Variants in OR10J1 observed in about 807,000 individuals in gnomAD.
OR10J1 encodes olfactory receptor family 10 subfamily J member 1.
For missense variants in OR10J1, 474 were observed against 376.6 expected, an observed-to-expected ratio of 1.26 and a Z score of -2.14; for synonymous variants, 202 against 143.8, an observed-to-expected ratio of 1.40 and a Z score of -2.89.
the OR10J1 span, among the ~76,000 whole-genome samples, chr1:159,407,312 GGT>G: frequency 3.0e-4 from 45 of 152,100 alleles, no homozygotes; most frequent in Non-Finnish European, 2.9e-5. Context: ...GGTTCCACCA[GGT>G]CATAACTATG....
upstream of OR10J1, among the ~76,000 whole-genome samples, chr1:159,434,473 A>G (rs1237102332): frequency 6.6e-6 from 1 of 152,128 alleles, no homozygotes; most frequent in African/African-American, 2.4e-5. Context: ...TTCACTCAGC[A>G]CAACCCCAAA....
the OR10J1 span, among the ~76,000 whole-genome samples, chr1:159,424,382 A>C: frequency 6.6e-6 from 1 of 150,412 alleles, no homozygotes; most frequent in Non-Finnish European, 1.5e-5. Context: ...GTATATGTGC[A>C]TATATGTGTA....
At chr1:159,399,713 C>T in the OR10J1 span, among the ~76,000 whole-genome samples, 26 of 150,158 alleles carry the variant, frequency 1.7e-4, no homozygotes, top group Non-Finnish European at 2.4e-4. Context: ...AAACACAGAA[C>T]ATTGTAACAC....
At chr1:159,429,334 A>G in the OR10J1 span, among the ~76,000 whole-genome samples, 24 of 152,228 alleles carry the variant, frequency 1.6e-4, no homozygotes, top group Non-Finnish European at 2.6e-4. Flanking sequence ...CATGGTTCCC[A>G]CAACATTCAA....
At chr1:159,419,556 A>G in the OR10J1 span, among the ~76,000 whole-genome samples, 1 of 152,208 alleles carries the variant, frequency 6.6e-6, no homozygotes, top group East Asian at 1.9e-4. Flanking sequence ...TAAATTACCC[A>G]GTCTCAGGTA....
At chr1:159,432,902 G>A (rs947613928), upstream of OR10J1, 3 of 424,822 alleles carry the variant, frequency 7.1e-6, no homozygotes, top group African/African-American at 4.0e-5. Context: ...ATCAGCTGAG[G>A]GCAGGAGAAA....
At chr1:159,409,395 T>C in the OR10J1 span, among the ~76,000 whole-genome samples, 1 of 152,094 alleles carries the variant, frequency 6.6e-6, no homozygotes, top group Non-Finnish European at 1.5e-5. Flanking sequence ...GAATAGCCTA[T>C]TGTGGCATCA....
chr1:159,432,805 G>T, the OR10J1 span: 3 of 403,404 alleles, frequency 7.4e-6, no homozygotes, highest in Non-Finnish European at 8.8e-6. Flanking sequence ...TTATTACTTT[G>T]CTCATCAGTC....
At chr1:159,409,260 A>G in the OR10J1 span, among the ~76,000 whole-genome samples, 1 of 152,034 alleles carries the variant, frequency 6.6e-6, no homozygotes, top group Admixed American at 6.6e-5. Context: ...AGTAGTGTGA[A>G]TGAGAAATTT....
At position 159,440,533 on chromosome 1, in the gene OR10J1, A is replaced by G. The variant is rs767455580; in HGVS notation, c.742A>G (p.Ile248Val). The G allele has an allele frequency of 3.1e-6, 5 of 1,614,010 alleles. No homozygotes were observed. The highest frequency in any genetic ancestry group is 1.6e-4 in the Middle Eastern group (1 of 6,062). The stretch of plus-strand genomic sequence containing the variant: ...CTGTGCATCCCACCTCACTGTGGTC[A>G]TTGTCCACTACAGCTGTGCCTCCAT... ...ATCASHLTVVIVHYSCASIAY... is the reference protein window; with the variant it reads ...ATCASHLTVVVVHYSCASIAY... Residue 248 changes from isoleucine (I) to valine (V), a missense_variant, in exon 1 of 1, where the codon ATT becomes GTT. Ile to Val is a conservative substitution (Grantham distance 29). Coordinates refer to ENST00000423932, the MANE Select transcript of OR10J1 (RefSeq NM_012351.3).
At chr1:159,410,335 T>C in the OR10J1 span, among the ~76,000 whole-genome samples, 8 of 152,130 alleles carry the variant, frequency 5.3e-5, no homozygotes, top group Admixed American at 3.3e-4. Context: ...TCCTGGACTC[T>C]TTTTGGTTGG....
the OR10J1 span, among the ~76,000 whole-genome samples, chr1:159,411,866 G>A: frequency 6.6e-6 from 1 of 151,978 alleles, no homozygotes; most frequent in South Asian, 2.1e-4. Context: ...GAAATAAAGG[G>A]TATTCAATTA....
chr1:159,419,129 C>G, the OR10J1 span, among the ~76,000 whole-genome samples: 1 of 152,140 alleles, frequency 6.6e-6, no homozygotes, highest in Non-Finnish European at 1.5e-5. Flanking sequence ...AGATTTTAAG[C>G]TGTGGACTTT....
chr1:159,423,344 A>T, the OR10J1 span, among the ~76,000 whole-genome samples: 1 of 152,124 alleles, frequency 6.6e-6, no homozygotes, highest in African/African-American at 2.4e-5. Context: ...GGCCTCTTAC[A>T]TTTCTGTACA....
the OR10J1 span, among the ~76,000 whole-genome samples, chr1:159,420,997 C>T: frequency 1.8e-4 from 28 of 152,124 alleles, no homozygotes; most frequent in Admixed American, 1.2e-3. Context: ...GGTTTCTAAA[C>T]CTTTTGTTTT....
the OR10J1 span, among the ~76,000 whole-genome samples, chr1:159,430,821 A>G: frequency 6.6e-6 from 1 of 152,172 alleles, no homozygotes; most frequent in East Asian, 1.9e-4. Flanking sequence ...GGCAATTTAC[A>G]TACAGTAATT....
chr1:159,431,032 T>C, the OR10J1 span, among the ~76,000 whole-genome samples: 1 of 152,058 alleles, frequency 6.6e-6, no homozygotes. Context: ...TTTAAATCTA[T>C]AAAAAACCTT....
chr1:159,424,086 G>T, the OR10J1 span, among the ~76,000 whole-genome samples: 2 of 151,872 alleles, frequency 1.3e-5, no homozygotes, highest in African/African-American at 4.8e-5. Context: ...TGAGGTGGCA[G>T]GTGCCCGTAA....
chr1:159,433,643 T>C (rs1655652532), upstream of OR10J1, among the ~76,000 whole-genome samples: 1 of 152,150 alleles, frequency 6.6e-6, no homozygotes, highest in Admixed American at 6.5e-5. Flanking sequence ...AAGACTGTGT[T>C]CTTGCATAGT....
Sources: gnomAD v4.1 joint callset for allele counts (sites outside exome capture counted in the v4.1 genomes callset) on GRCh38, gnomAD v4.1.1 for gene constraint, MANE v1.5 for transcripts, NCBI Gene and HGNC (gene_info 2026-07-23, HGNC 2026-07-21) for gene names.